The following MTHFD1L variants were observed in gnomAD, a reference collection of about 807,000 sequenced individuals.
MTHFD1L encodes the protein methylenetetrahydrofolate dehydrogenase (NADP+ dependent) 1 like, also known as monofunctional C1-tetrahydrofolate synthase, mitochondrial.
A neutral mutation model predicts 119.5 loss-of-function variants in MTHFD1L; 81 were observed. The observed-to-expected ratio is 0.68, with a 90% CI of 0.57 to 0.82. MTHFD1L has a LOEUF of 0.82. Ranked by LOEUF, MTHFD1L falls within the 40% of genes least tolerant of loss-of-function variation. The pLI is 0.00. For synonymous variants in MTHFD1L, 430 were observed against 475.2 expected (o/e 0.90, Z 1.24); for missense variants, 1,125 against 1,253.4 (o/e 0.90, Z 1.55).
intron 13 of MTHFD1L, among the ~76,000 whole-genome samples, chr6:150,942,662 G>A (rs779659698): frequency 2.0e-5 from 3 of 152,026 alleles, no homozygotes; most frequent in Non-Finnish European, 2.9e-5. Context: ...TATGTTGAGA[G>A]TGTAAGAGCT....
intron 20 of MTHFD1L, among the ~76,000 whole-genome samples, chr6:150,988,825 CG>C (rs1778670203): frequency 5.9e-5 from 9 of 152,266 alleles, no homozygotes; most frequent in Admixed American, 3.9e-4. Flanking sequence ...AGGCTGGTCT[CG>C]AACTCCTGAC....
At chr6:150,929,354 C>T (rs910388570) in intron 11 of MTHFD1L, among the ~76,000 whole-genome samples, 1 of 152,140 alleles carries the variant, frequency 6.6e-6, no homozygotes. Context: ...CAGATAGGAA[C>T]ACTTAAGGAA....
chr6:151,068,039 G>A (rs1283362265), intron 26 of MTHFD1L, among the ~76,000 whole-genome samples: 4 of 152,168 alleles, frequency 2.6e-5, no homozygotes, highest in Non-Finnish European at 4.4e-5. Flanking sequence ...ATTTATTCTC[G>A]GGCACTGGTA....
At chr6:150,916,737 C>CTTTTTTTTTTTTTTTTTTTT (rs57961829) in intron 8 of MTHFD1L, among the ~76,000 whole-genome samples, 1 of 72,114 alleles carries the variant, frequency 1.4e-5, no homozygotes, top group African/African-American at 4.4e-5. Flanking sequence ...GATTCTATCC[C>CTTTTTTTTTTTTTTTTTTTT]TTTTTTTTTT....
intron 26 of MTHFD1L, among the ~76,000 whole-genome samples, chr6:151,071,101 C>T (rs73622448): frequency 0.037 from 5,682 of 152,280 alleles, 350 homozygotes; most frequent in African/African-American, 0.13. Context: ...GTTTATAATC[C>T]TACCAAGTCT....
intron 24 of MTHFD1L, among the ~76,000 whole-genome samples, chr6:151,025,626 G>T (rs1387086610): frequency 6.6e-6 from 1 of 152,080 alleles, no homozygotes; most frequent in South Asian, 2.1e-4. Context: ...ATGTTTTACG[G>T]GACTTGGAAT....
intron 8 of MTHFD1L, among the ~76,000 whole-genome samples, chr6:150,914,910 C>T (rs1787594642): frequency 2.0e-5 from 3 of 152,162 alleles, no homozygotes; most frequent in Admixed American, 1.3e-4. Flanking sequence ...CCCTACTTGC[C>T]TCTCTCTTCC....
chr6:151,089,596 G>C (rs1794193461), intron 26 of MTHFD1L, among the ~76,000 whole-genome samples: 1 of 152,228 alleles, frequency 6.6e-6, no homozygotes, highest in South Asian at 2.1e-4. Context: ...GTGAGACTCT[G>C]TCTCAAAAAC....
chr6:150,915,587 T>C (rs931320337), intron 8 of MTHFD1L, among the ~76,000 whole-genome samples: 1 of 152,166 alleles, frequency 6.6e-6, no homozygotes, highest in Admixed American at 6.5e-5. Flanking sequence ...TGTAACTTTT[T>C]CTTTTTTCTT....
At chr6:150,882,140 T>C (rs1781484217) in intron 4 of MTHFD1L, among the ~76,000 whole-genome samples, 2 of 152,252 alleles carry the variant, frequency 1.3e-5, no homozygotes, top group South Asian at 4.1e-4. Flanking sequence ...CTTGGTCTTT[T>C]TCCTAAATAG....
Position 150,885,621 on chromosome 6 carries a change from T to G in MTHFD1L, c.543-13T>G, listed in dbSNP as rs1583373918. Reference sequence around the variant, plus strand: ...GGCTTTGACTTAACCTACTTCTTTATTTTCTGATTCAGAGTAACAGACATA... The same window carrying G: ...GGCTTTGACTTAACCTACTTCTTTAGTTTCTGATTCAGAGTAACAGACATA... On this transcript the variant is annotated splice_polypyrimidine_tract_variant and intron_variant, in intron 5 of 27. Transcript: ENST00000367321. 1 of 1,609,810 alleles carries G rather than the reference T, an allele frequency of 6.2e-7. No individual in the cohort carries two copies. Among genetic ancestry groups the G allele is most frequent in the East Asian group, 2.2e-5 (1 of 44,832 alleles).
chr6:150,984,437 A>G (rs1777973034), intron 20 of MTHFD1L, among the ~76,000 whole-genome samples: 1 of 152,128 alleles, frequency 6.6e-6, no homozygotes, highest in Non-Finnish European at 1.5e-5. Context: ...CCCTTTATTC[A>G]GATAAAGTAA....
intron 27 of MTHFD1L, among the ~76,000 whole-genome samples, chr6:151,095,068 G>C (rs2128660071): frequency 6.6e-6 from 1 of 152,344 alleles, no homozygotes; most frequent in South Asian, 2.1e-4. Flanking sequence ...GATGTTGTTT[G>C]GGGGTGTTTG....
chr6:151,035,042 T>C (rs373050923), intron 25 of MTHFD1L, among the ~76,000 whole-genome samples: 1 of 131,470 alleles, frequency 7.6e-6, no homozygotes, highest in African/African-American at 2.8e-5. Flanking sequence ...GTGCAGCCTA[T>C]AAAGATGGGA....
intron 4 of MTHFD1L, 59 bp from the exon 5 acceptor site, chr6:150,882,703 T>G: frequency 8.0e-7 from 1 of 1,247,556 alleles, no homozygotes; most frequent in Non-Finnish European, 1.1e-6. Flanking sequence ...AAAGCTTCCT[T>G]TGTTGGGTCT....
intron 7 of MTHFD1L, among the ~76,000 whole-genome samples, chr6:150,896,425 C>T (rs1298011867): frequency 1.3e-5 from 2 of 152,190 alleles, no homozygotes; most frequent in Non-Finnish European, 2.9e-5. Flanking sequence ...ACACACAAGA[C>T]AGCCTCAGTT....
intron 26 of MTHFD1L, among the ~76,000 whole-genome samples, chr6:151,043,616 T>C (rs530568395): frequency 3.9e-5 from 6 of 152,170 alleles, no homozygotes; most frequent in South Asian, 2.1e-4. Flanking sequence ...GTAGAATCCA[T>C]TGGAAGTTAA....
chr6:150,903,397 T>A (rs1785398217), intron 7 of MTHFD1L, among the ~76,000 whole-genome samples: 1 of 151,788 alleles, frequency 6.6e-6, no homozygotes, highest in Admixed American at 6.6e-5. Flanking sequence ...AATGGTTATT[T>A]AGCAAATGTG....
At chr6:150,916,272 T>C (rs1442024852) in intron 8 of MTHFD1L, among the ~76,000 whole-genome samples, 2 of 147,300 alleles carry the variant, frequency 1.4e-5, no homozygotes, top group Admixed American at 1.4e-4. Flanking sequence ...TTCTAAGTGA[T>C]GAAGGAAGGA....
Sources: gnomAD v4.1 joint callset for allele counts (sites outside exome capture counted in the v4.1 genomes callset) on GRCh38, gnomAD v4.1.1 for gene constraint, MANE v1.5 for transcripts, NCBI Gene and HGNC (gene_info 2026-07-23, HGNC 2026-07-21) for gene names.